The following ANKRD36 variants were observed in gnomAD, a reference collection of about 807,000 sequenced individuals.
ANKRD36 encodes ankyrin repeat domain-containing protein 36A.
ANKRD36 carries 179 observed loss-of-function variants against 278.1 expected under a neutral mutation model. The ratio of observed to expected loss-of-function variants is 0.64; its 90% CI spans 0.57 to 0.73. The LOEUF is 0.73. Among genes scored for constraint, ANKRD36 ranks in the 30% least tolerant of loss-of-function variants. The probability of loss-of-function intolerance (pLI) is 0.00; values close to 1 mark genes in which losing one functional copy is unlikely to be tolerated. For missense variants in ANKRD36, 1,159 were observed against 1,956.7 expected, an observed-to-expected ratio of 0.59 and a Z score of 7.69; for synonymous variants, 320 against 641.1, an observed-to-expected ratio of 0.50 and a Z score of 7.57.
At chr2:97,141,226 G>GACAC (rs1478287592) in intron 6 of ANKRD36, among the ~76,000 whole-genome samples, 6 of 149,498 alleles carry the variant, frequency 4.0e-5, no homozygotes, top group Admixed American at 1.3e-4. Flanking sequence ...TGGCAATCAT[G>GACAC]ACATATATAT....
In ANKRD36 at chr2:97,164,432, A is replaced by T. The variant is rs2050082117; in HGVS notation, c.1494A>T (p.Arg498Ser). 1.3e-6 allele frequency: 2 copies of T among 1,537,342 alleles called. No homozygotes were observed. The highest frequency in any genetic ancestry group is 1.7e-6 in the Non-Finnish European group (2 of 1,146,830). The change falls in exon 20 of 76, where the codon AGA (arginine) becomes AGT (serine). Residue 498 changes from arginine to serine, a missense_variant. Transcript: ENST00000420699. ...AAGACAGAGATCACATTTCAACTAGATTCTTAGGAGGTATGGATTCACTAA... is the reference window on the plus strand; with the variant it reads ...AAGACAGAGATCACATTTCAACTAGTTTCTTAGGAGGTATGGATTCACTAA... ...TVKDRDHISTRFLGGMDSLTS... is the reference protein window; with the variant it reads ...TVKDRDHISTSFLGGMDSLTS...
intron 54 of ANKRD36, 45 bp downstream of exon 54, chr2:97,208,051 TAAG>T (rs2063354259): frequency 1.4e-6 from 2 of 1,459,748 alleles, no homozygotes; most frequent in Admixed American, 4.3e-5. Flanking sequence ...TGCAGATAGA[TAAG>T]AAGTTCTCTT....
chr2:97,231,563 A>G (rs1306613318), intron 67 of ANKRD36, among the ~76,000 whole-genome samples: 2 of 152,094 alleles, frequency 1.3e-5, no homozygotes, highest in South Asian at 2.1e-4. Flanking sequence ...TAGGAAAGGG[A>G]ACTCCCTGAC....
intron 22 of ANKRD36, among the ~76,000 whole-genome samples, chr2:97,174,150 T>G (rs1318248995): frequency 1.3e-5 from 2 of 151,618 alleles, no homozygotes; most frequent in African/African-American, 2.4e-5. Flanking sequence ...TGATTACACA[T>G]TATTTCATTG....
chr2:97,173,147 T>C (rs1473238463), intron 22 of ANKRD36, among the ~76,000 whole-genome samples: 4 of 151,818 alleles, frequency 2.6e-5, no homozygotes, highest in African/African-American at 9.7e-5. Context: ...ATAGGTTATA[T>C]TGAATAAAAT....
At chr2:97,240,991 T>TG (rs2074262364) in intron 68 of ANKRD36, among the ~76,000 whole-genome samples, 1 of 132,912 alleles carries the variant, frequency 7.5e-6, no homozygotes, top group Non-Finnish European at 1.5e-5. Context: ...TGTTTTTTTT[T>TG]TTTTTTTTTT....
intron 17 of ANKRD36, among the ~76,000 whole-genome samples, chr2:97,159,938 C>G (rs377378720): frequency 1.4e-5 from 2 of 144,580 alleles, no homozygotes; most frequent in African/African-American, 5.1e-5. Flanking sequence ...CCCGCCATCA[C>G]GCCCGGCTAA....
chr2:97,252,482 TA>T (rs1429145156), intron 75 of ANKRD36: 4 of 90,164 alleles, frequency 4.4e-5, no homozygotes, highest in African/African-American at 1.8e-4. Context: ...ATTTTTTTAT[TA>T]TTTTTTTTTT....
At position 97,144,773 on chromosome 2, in the gene ANKRD36, A is replaced by T. The variant is rs11897333; in HGVS notation, c.1003+61A>T. ...TCAAGATAGAGAACTTCCCTTCCCCAAATAAATCAGCAGGGGGCTCATTGA... is the reference window on the plus strand; with the variant it reads ...TCAAGATAGAGAACTTCCCTTCCCCTAATAAATCAGCAGGGGGCTCATTGA... On this transcript the variant is annotated intron_variant, in intron 10 of 75. Coordinates refer to ENST00000420699, the MANE Select transcript of ANKRD36 (RefSeq NM_001354587.1). The T allele has an allele frequency of 3.9e-3, 5,858 of 1,520,160 alleles. 221 individuals carry two copies. In the African/African-American group the frequency reaches 0.074, roughly 19 times the overall value. 94.2% of individuals were successfully genotyped at this position (1,520,160 alleles called of 1,614,324 possible).
In ANKRD36 at chr2:97,235,103, A is replaced by T. The variant is rs1289707349; in HGVS notation, c.4093+1232A>T. ...GTTTGCCTAGCACAAGGTCACAAAGATTGTTCCTGTGTTTGTTCTAGAAAT... is the reference window on the plus strand; with the variant it reads ...GTTTGCCTAGCACAAGGTCACAAAGTTTGTTCCTGTGTTTGTTCTAGAAAT... On this transcript the variant is annotated intron_variant, in intron 68 of 75. Coordinates refer to ENST00000420699, the MANE Select transcript of ANKRD36 (RefSeq NM_001354587.1). 3.3e-5 allele frequency among the ~76,000 whole-genome samples: 5 copies of T among 151,092 alleles called. No homozygotes were observed. In the East Asian group the frequency reaches 9.9e-4, roughly 30 times the overall value.
chr2:97,134,734 T>G (rs1427935072), intron 6 of ANKRD36, among the ~76,000 whole-genome samples: 1 of 152,046 alleles, frequency 6.6e-6, no homozygotes, highest in Non-Finnish European at 1.5e-5. Context: ...TGGCACATCT[T>G]GGTAGCTCCA....
At chr2:97,163,150 C>G in intron 18 of ANKRD36, 1 of 384,852 alleles carries the variant, frequency 2.6e-6, no homozygotes. Flanking sequence ...GCCTGTAGTC[C>G]CAGCTACTAG....
intron 18 of ANKRD36, chr2:97,163,635 G>C: frequency 5.5e-6 from 1 of 183,232 alleles, no homozygotes; most frequent in Non-Finnish European, 1.1e-5. Flanking sequence ...GAGTGCAGTG[G>C]CGGGATCTCG....
chr2:97,187,774 T>C (rs1292457848), intron 32 of ANKRD36, among the ~76,000 whole-genome samples: 1 of 151,754 alleles, frequency 6.6e-6, no homozygotes, highest in African/African-American at 2.4e-5. Flanking sequence ...ATAGTACTGC[T>C]AAGAAAAGAC....
rs146064237 is a variant in ANKRD36 at position 97,194,984 on chromosome 2, T to C, written c.2551+67T>C. The C allele has an allele frequency of 7.5e-4, 1,139 of 1,526,212 alleles. 14 individuals carry two copies. The East Asian group carries it at 0.016, about 21-fold the overall frequency. The allele number at this position is 1,526,212 out of a possible 1,614,324, so 94.5% of individuals were successfully genotyped here. A position where few individuals can be genotyped will look rare whatever the true frequency, so the allele number is the denominator to read the frequency against. Reference sequence around the variant, plus strand: ...CAAGAAGTTCTCTTCCCCGAATAAATCAGTGGGGGGCTGGTCAAAGATGCA... The same window carrying C: ...CAAGAAGTTCTCTTCCCCGAATAAACCAGTGGGGGGCTGGTCAAAGATGCA... On this transcript the variant is annotated intron_variant, in intron 40 of 75. Coordinates refer to ENST00000420699, the MANE Select transcript of ANKRD36 (RefSeq NM_001354587.1).
chr2:97,229,534 T>C (rs1275101878), intron 67 of ANKRD36, among the ~76,000 whole-genome samples: 53 of 152,200 alleles, frequency 3.5e-4, no homozygotes, highest in Middle Eastern at 3.4e-3. Flanking sequence ...TGTGTGTCTC[T>C]GCACGTGAGA....
intron 22 of ANKRD36, among the ~76,000 whole-genome samples, chr2:97,168,033 A>C (rs1319617258): frequency 1.3e-5 from 2 of 152,416 alleles, no homozygotes; most frequent in African/African-American, 4.8e-5. Context: ...TGTGCATGTT[A>C]GGGGTTCAAG....
rs534662777 is a variant in ANKRD36, at chr2:97,260,506, C to T, written c.*7-3823C>T. 8.8e-3 allele frequency among the ~76,000 whole-genome samples: 1,168 copies of T among 132,726 alleles called. 20 individuals are homozygous for T. The highest frequency in any genetic ancestry group is 0.03 in the African/African-American group (1,101 of 36,706). The allele number at this position is 132,726 out of a possible 152,430, so 87.1% of individuals were successfully genotyped here. ...GATATTTGGTAAACCATACTGTAAA[C>T]GATGTGTTTTCATCCAGGCTTTGTT... On this transcript the variant is annotated intron_variant, in intron 75 of 75. Coordinates refer to ENST00000420699, the MANE Select transcript of ANKRD36 (RefSeq NM_001354587.1).
In ANKRD36 at chr2:97,113,564, C is replaced by T; in HGVS notation, c.-176C>T. On this transcript the variant is annotated 5_prime_UTR_variant, in exon 1 of 76. Coordinates refer to ENST00000420699, the MANE Select transcript of ANKRD36 (RefSeq NM_001354587.1). The stretch of plus-strand genomic sequence containing the variant: ...GTTGGGCAGGGCCGGCTAAGGTGCG[C>T]GTGCTCGCTGGTTCTAACCCTTCTG... 2 of 715,542 alleles carry T rather than the reference C, an allele frequency of 2.8e-6. No homozygotes were observed. The highest frequency in any genetic ancestry group is 2.9e-5 in the East Asian group (1 of 34,040). The allele number at this position is 715,542 out of a possible 1,614,324, so 44.3% of individuals were successfully genotyped here.
Sources: allele counts gnomAD v4.1 joint callset (sites outside exome capture counted in the v4.1 genomes callset), GRCh38; gene constraint gnomAD v4.1.1; transcripts MANE v1.5; gene names NCBI Gene and HGNC (gene_info 2026-07-23, HGNC 2026-07-21).